POC1B: variants seen among roughly 807,000 people sequenced by gnomAD.
The protein encoded by POC1B is POC1 centriolar protein homolog B.
POC1B carries 44 observed loss-of-function variants against 60.6 expected under a neutral mutation model. That is an observed-to-expected ratio of 0.73 (90% CI 0.57 to 0.93). POC1B has a LOEUF of 0.93. POC1B is among the 40% of genes least tolerant of loss of function. The pLI, the probability that POC1B is intolerant of heterozygous loss-of-function variation, is 0.00. For missense variants in POC1B, 555 were observed against 572.3 expected (o/e 0.97, Z 0.31); for synonymous variants, 180 against 198.9 (o/e 0.90, Z 0.80).
intron 2 of POC1B, chr12:89,522,849 A>G (rs1386911676): frequency 1.3e-6 from 2 of 1,597,190 alleles, no homozygotes; most frequent in Non-Finnish European, 1.7e-6. Context: ...TTTTATCTAG[A>G]GCATCACAAG....
chr12:89,429,978 C>T (rs1019852934), intron 10 of POC1B, among the ~76,000 whole-genome samples: 1 of 152,194 alleles, frequency 6.6e-6, no homozygotes, highest in African/African-American at 2.4e-5. Flanking sequence ...ACAAGTCAGA[C>T]ATGGTATCTT....
At chr12:89,451,433 C>T (rs1348087628) in intron 10 of POC1B, among the ~76,000 whole-genome samples, 2 of 152,108 alleles carry the variant, frequency 1.3e-5, no homozygotes, top group Admixed American at 1.3e-4. Context: ...AAAAAATCTT[C>T]CATTGCAAAA....
At chr12:89,510,195 TTTTTGTTCTTGTACACTTCC>T (rs372117360) in intron 2 of POC1B, among the ~76,000 whole-genome samples, 3 of 152,282 alleles carry the variant, frequency 2.0e-5, no homozygotes, top group African/African-American at 7.2e-5. Context: ...AGGTGGCTCC[TTTTTGTTCTTGTACACTTCC>T]TTTTGTTCTT....
intron 2 of POC1B, chr12:89,524,434 C>G (rs754380979): frequency 6.2e-7 from 1 of 1,613,946 alleles, no homozygotes; most frequent in South Asian, 1.1e-5. Flanking sequence ...CCTGGCACGG[C>G]CGGCTCCTGC....
At position 89,524,714 on chromosome 12, in the gene POC1B, C is replaced by T. The variant is rs1871264818; in HGVS notation, c.100+406G>A. ...CCAGGCTTTCCAGGGGTCACCTGAG[C>T]CCTCTCGGTCCTCGGCCTCCGGCAC... On this transcript the variant is annotated intron_variant, in intron 2 of 11. Coordinates refer to ENST00000313546, the MANE Select transcript of POC1B (RefSeq NM_172240.3). 7.0e-6 allele frequency: 5 copies of T among 714,576 alleles called. No individual in the cohort carries two copies. In the South Asian group the frequency reaches 7.6e-5, roughly 11 times the overall value. The allele number at this position is 714,576 out of a possible 1,614,324, so 44.3% of individuals were successfully genotyped here.
the POC1B span, among the ~76,000 whole-genome samples, chr12:89,406,680 G>A: frequency 6.6e-6 from 1 of 152,012 alleles, no homozygotes; most frequent in African/African-American, 2.4e-5. Flanking sequence ...AGACACACAA[G>A]TCACACTGTT....
intron 10 of POC1B, chr12:89,425,652 A>G: frequency 4.1e-6 from 1 of 246,172 alleles, no homozygotes; most frequent in Non-Finnish European, 7.7e-6. Flanking sequence ...GGGATCTACC[A>G]TTAAAAAGAT....
chr12:89,525,640 A>C, intron 1 of POC1B: 1 of 1,276,938 alleles, frequency 7.8e-7, no homozygotes, highest in Non-Finnish European at 9.9e-7. Context: ...GGGGCCGCCC[A>C]GCTCAGTCCG....
chr12:89,439,748 CATGTA>C lies in POC1B; in HGVS notation c.1114-14374_1114-14370del. On this transcript the variant is annotated intron_variant, in intron 10 of 11. Transcript: ENST00000313546. ...CCTCCTGAGTAGCTGGGATTACATG[CATGTA>C]CAACCATGCCTGGCTAATTTTTTTG... Among the ~76,000 whole-genome samples the C allele has an allele frequency of 1.3e-5, 2 of 152,210 alleles. 1 individual carries two copies.
chr12:89,423,134 A>AGATAGGTCTCCTGG lies in POC1B; in HGVS notation c.1333-1878_1333-1877insCCAGGAGACCTATC, dbSNP rs1158594252. Among the ~76,000 whole-genome samples, 1,044 of 151,490 alleles carry AGATAGGTCTCCTGG rather than the reference A, an allele frequency of 6.9e-3. 13 individuals carry two copies. The highest frequency in any genetic ancestry group is 0.025 in the African/African-American group (1,014 of 40,824). ...ATCTTCCCACCTCGGTCTCCTGGGT[A>AGATAGGTCTCCTGG]GCTGTGACCATAGGTGCGTGCCACC... On this transcript the variant is annotated intron_variant, in intron 11 of 11. Transcript: ENST00000313546.
At chr12:89,421,300 TG>T in intron 11 of POC1B, 43 bp from the exon 12 acceptor site, 1 of 1,459,800 alleles carries the variant, frequency 6.9e-7, no homozygotes, top group Non-Finnish European at 9.5e-7. Flanking sequence ...GGTCCTCTGG[TG>T]GTGAGGATGA....
At chr12:89,479,312 A>G (rs1382672145) in intron 4 of POC1B, among the ~76,000 whole-genome samples, 1 of 152,200 alleles carries the variant, frequency 6.6e-6, no homozygotes, top group Non-Finnish European at 1.5e-5. Flanking sequence ...TATTTGAAAT[A>G]AAAATTGGAA....
At chr12:89,513,271 T>C (rs1460005021) in intron 2 of POC1B, among the ~76,000 whole-genome samples, 1 of 124,818 alleles carries the variant, frequency 8.0e-6, no homozygotes, top group Non-Finnish European at 1.7e-5. Flanking sequence ...AAAAAAAGAA[T>C]TCTTGGCAAA....
At chr12:89,449,897 T>A (rs1189101840) in intron 10 of POC1B, among the ~76,000 whole-genome samples, 1 of 152,132 alleles carries the variant, frequency 6.6e-6, no homozygotes, top group Non-Finnish European at 1.5e-5. Context: ...AATTTAATGT[T>A]TAAAGAAGGT....
the POC1B span, among the ~76,000 whole-genome samples, chr12:89,412,357 C>CTT: frequency 2.6e-3 from 362 of 138,016 alleles, 1 homozygote; most frequent in African/African-American, 8.8e-3. Context: ...TTTCTTTTTT[C>CTT]TTTTTTTTTT....
At chr12:89,515,617 T>C (rs551551664) in intron 2 of POC1B, among the ~76,000 whole-genome samples, 2 of 152,182 alleles carry the variant, frequency 1.3e-5, no homozygotes, top group African/African-American at 4.8e-5. Flanking sequence ...AAGGGGAAAA[T>C]AGGGCCTCTC....
chr12:89,509,758 C>T (rs1053154817), intron 2 of POC1B, among the ~76,000 whole-genome samples: 3 of 152,304 alleles, frequency 2.0e-5, no homozygotes, highest in African/African-American at 4.8e-5. Flanking sequence ...CTCAATATAT[C>T]TTTGCTCAAT....
chr12:89,504,156 G>C (rs899975492), intron 2 of POC1B, among the ~76,000 whole-genome samples: 8 of 151,094 alleles, frequency 5.3e-5, no homozygotes, highest in Admixed American at 1.3e-4. Context: ...CGGTTTTGTG[G>C]AATAGAAAAG....
rs1869480912 is a variant in POC1B at position 89,500,163 on chromosome 12, G to A, written c.101-2821C>T. The A allele has an allele frequency of 1.3e-5, 21 of 1,594,518 alleles. No individual in the cohort carries two copies. The South Asian group carries it at 1.5e-4, about 11-fold the overall frequency. ...AGATTTTGTCAACCTTCCAGGGCAC[G>A]TGACATTAACACAGAGCAAGGCCAG... On this transcript the variant is annotated intron_variant, in intron 2 of 11. Transcript: ENST00000313546.
Sources: gnomAD v4.1 joint callset for allele counts (sites outside exome capture counted in the v4.1 genomes callset) on GRCh38, gnomAD v4.1.1 for gene constraint, MANE v1.5 for transcripts, NCBI Gene and HGNC (gene_info 2026-07-23, HGNC 2026-07-21) for gene names.